Variants in TENM2 observed in about 807,000 individuals in gnomAD.
TENM2 encodes the protein teneurin-2.
In TENM2, 52 loss-of-function variants were observed where a neutral mutation model predicts 245.2. That is an observed-to-expected ratio of 0.21 (90% CI 0.17 to 0.27). TENM2 has a LOEUF of 0.27. Ranked by LOEUF, TENM2 falls within the 10% of genes least tolerant of loss-of-function variation. The pLI, the probability that TENM2 is intolerant of heterozygous loss-of-function variation, is 1.00. For missense variants in TENM2, 3,046 were observed against 3,666.8 expected (o/e 0.83, Z 4.37); for synonymous variants, 1,363 against 1,438.9 (o/e 0.95, Z 1.19).
chr5:167,151,796 C>T, the TENM2 span, among the ~76,000 whole-genome samples: 1 of 152,172 alleles, frequency 6.6e-6, no homozygotes, highest in Non-Finnish European at 1.5e-5. Context: ...GAACTATAGG[C>T]GTGAGCCACC....
At chr5:167,962,225 G>A (rs1389447282) in intron 4 of TENM2, among the ~76,000 whole-genome samples, 2 of 151,480 alleles carry the variant, frequency 1.3e-5, no homozygotes, top group Non-Finnish European at 2.9e-5. Context: ...GCTAATTTTG[G>A]AAGAAGCACA....
At chr5:167,393,077 A>G (rs1044636948) in intron 2 of TENM2, among the ~76,000 whole-genome samples, 59 of 151,538 alleles carry the variant, frequency 3.9e-4, no homozygotes, top group African/African-American at 1.4e-3. Flanking sequence ...AGCCAAGATC[A>G]TGCTACTGCA....
intron 1 of TENM2, among the ~76,000 whole-genome samples, chr5:167,342,563 C>T (rs1036967320): frequency 4.8e-4 from 63 of 131,056 alleles, no homozygotes; most frequent in African/African-American, 1.7e-3. Flanking sequence ...CTCTGTCGCC[C>T]AGGCCGGACT....
At chr5:167,879,353 C>G (rs1773688003) in intron 3 of TENM2, among the ~76,000 whole-genome samples, 1 of 152,134 alleles carries the variant, frequency 6.6e-6, no homozygotes, top group Admixed American at 6.5e-5. Context: ...TTCTCTCCCC[C>G]TTAAGCATTT....
At chr5:167,593,128 A>G (rs930295389) in intron 2 of TENM2, among the ~76,000 whole-genome samples, 2 of 152,228 alleles carry the variant, frequency 1.3e-5, no homozygotes, top group African/African-American at 4.8e-5. Flanking sequence ...GGTCCTGCCC[A>G]TAGCTTCTGA....
At chr5:167,735,954 A>C (rs1296348171) in intron 2 of TENM2, among the ~76,000 whole-genome samples, 1 of 152,216 alleles carries the variant, frequency 6.6e-6, no homozygotes, top group African/African-American at 2.4e-5. Context: ...CTAGGGGGGA[A>C]AATAAAGTTT....
chr5:168,226,143 A>G, exon 24 of TENM2: 1 of 1,613,840 alleles, frequency 6.2e-7, no homozygotes, highest in Non-Finnish European at 8.5e-7. Flanking sequence ...GGTGGTAACC[A>G]GTCTGCACCG....
At chr5:166,993,761 G>T in the TENM2 span, among the ~76,000 whole-genome samples, 1 of 152,120 alleles carries the variant, frequency 6.6e-6, no homozygotes, top group Non-Finnish European at 1.5e-5. Context: ...TGATAAAGGC[G>T]TCTAATTTAA....
intron 2 of TENM2, among the ~76,000 whole-genome samples, chr5:167,555,892 C>T (rs535598105): frequency 1.2e-4 from 19 of 152,080 alleles, no homozygotes; most frequent in Non-Finnish European, 1.9e-4. Flanking sequence ...GAAACTTCAA[C>T]GACATGATTG....
chr5:167,835,503 C>A (rs12153261), intron 2 of TENM2, among the ~76,000 whole-genome samples: 3 of 152,106 alleles, frequency 2.0e-5, no homozygotes, highest in African/African-American at 7.2e-5. Context: ...CCCTCCTCTG[C>A]CTGAATCTTT....
chr5:167,716,982 A>C (rs1176723992), intron 2 of TENM2, among the ~76,000 whole-genome samples: 2 of 142,216 alleles, frequency 1.4e-5, no homozygotes, highest in Admixed American at 1.4e-4. Flanking sequence ...TTTTTGAGAC[A>C]GTCTTGCTCT....
rs909132179 is a variant in TENM2, at chr5:167,320,620, G to A, written c.226+35557G>A. Among the ~76,000 whole-genome samples, 5 of 152,298 alleles carry A rather than the reference G, an allele frequency of 3.3e-5. No individual in the cohort carries two copies. In the East Asian group the frequency reaches 9.7e-4, roughly 29 times the overall value. ...TAAGTCATGAGAGCTCTGCCTTGAG[G>A]GGTGAGATTAATGCCATTATAAAAG... On this transcript the variant is annotated intron_variant, in intron 1 of 28. Coordinates refer to ENST00000518659, the Ensembl canonical transcript of TENM2.
chr5:167,888,026 A>G (rs1322435755), intron 3 of TENM2, among the ~76,000 whole-genome samples: 1 of 152,232 alleles, frequency 6.6e-6, no homozygotes, highest in Middle Eastern at 3.4e-3. Context: ...CTCTCCTTAT[A>G]GGGATACCAA....
At chr5:167,977,480 G>A (rs1425954375) in intron 4 of TENM2, among the ~76,000 whole-genome samples, 5 of 152,030 alleles carry the variant, frequency 3.3e-5, no homozygotes, top group Admixed American at 6.6e-5. Context: ...GTCATGGATC[G>A]ATAGCTTTCC....
chr5:167,505,366 T>C (rs1331896059), intron 2 of TENM2, among the ~76,000 whole-genome samples: 1 of 152,198 alleles, frequency 6.6e-6, no homozygotes, highest in Non-Finnish European at 1.5e-5. Flanking sequence ...TTTTTGAGGC[T>C]TCACACAAGA....
intron 2 of TENM2, among the ~76,000 whole-genome samples, chr5:167,547,248 G>T (rs1409640071): frequency 2.0e-5 from 3 of 152,100 alleles, no homozygotes; most frequent in Non-Finnish European, 4.4e-5. Flanking sequence ...ACCACGCCTG[G>T]CTAATTTTTG....
chr5:168,098,158 G>A (rs745320166), intron 9 of TENM2, 31 bp downstream of exon 11: 1 of 1,518,616 alleles, frequency 6.6e-7, no homozygotes, highest in Admixed American at 1.7e-5. Context: ...GCTATGGTTG[G>A]AAAACAGACC....
chr5:167,374,368 A>T (rs1266323988), intron 1 of TENM2, among the ~76,000 whole-genome samples: 2 of 152,116 alleles, frequency 1.3e-5, no homozygotes, highest in Non-Finnish European at 2.9e-5. Context: ...TGTGTAAGTC[A>T]CTCTGATGTT....
chr5:167,426,654 A>G (rs1763844511), intron 2 of TENM2, among the ~76,000 whole-genome samples: 1 of 151,952 alleles, frequency 6.6e-6, no homozygotes, highest in East Asian at 1.9e-4. Context: ...TTTGTAGTTC[A>G]CTAATTTGGT....
Sources: gnomAD v4.1 joint callset for allele counts (sites outside exome capture counted in the v4.1 genomes callset) on GRCh38, gnomAD v4.1.1 for gene constraint, MANE v1.5 for transcripts, NCBI Gene and HGNC (gene_info 2026-07-23, HGNC 2026-07-21) for gene names.